Variants in RIPOR3 observed in about 807,000 individuals in gnomAD.
RIPOR3 encodes the protein family with sequence similarity 65 member C.
In RIPOR3, 95 loss-of-function variants were observed where a neutral mutation model predicts 114.3. That is an observed-to-expected ratio of 0.83 (90% CI 0.70 to 0.99). RIPOR3 has a LOEUF of 0.99. Ranked by LOEUF, RIPOR3 falls within the 50% of genes least tolerant of loss-of-function variation. RIPOR3 has a pLI of 0.00. For missense variants in RIPOR3, 1,252 were observed against 1,266.9 expected (o/e 0.99, Z 0.18); for synonymous variants, 575 against 543.8 (o/e 1.06, Z -0.80).
At chr20:50,603,650 C>T (rs1226708529) in intron 12 of RIPOR3, among the ~76,000 whole-genome samples, 1 of 152,202 alleles carries the variant, frequency 6.6e-6, no homozygotes, top group Non-Finnish European at 1.5e-5. Context: ...ATTCCAGGGC[C>T]TTCCCATTAC....
At chr20:50,644,041 G>A (rs2085301176) in intron 1 of RIPOR3, among the ~76,000 whole-genome samples, 1 of 151,520 alleles carries the variant, frequency 6.6e-6, no homozygotes, top group African/African-American at 2.4e-5. Flanking sequence ...GATTTCTTGA[G>A]CCCAGGAGTT....
chr20:50,633,609 G>A (rs182984102), intron 1 of RIPOR3, among the ~76,000 whole-genome samples: 1 of 152,218 alleles, frequency 6.6e-6, no homozygotes, highest in Admixed American at 6.5e-5. Context: ...CACTGGAGCC[G>A]GAAGGGGCTT....
intron 2 of RIPOR3, among the ~76,000 whole-genome samples, chr20:50,622,211 T>G (rs1416626381): frequency 6.8e-6 from 1 of 147,306 alleles, no homozygotes; most frequent in African/African-American, 2.5e-5. Context: ...TGAGATGGAG[T>G]CTCACTGTCA....
chr20:50,682,308 T>C (rs1463442782), intron 1 of RIPOR3, among the ~76,000 whole-genome samples: 5 of 152,236 alleles, frequency 3.3e-5, no homozygotes, highest in Non-Finnish European at 7.3e-5. Context: ...AAATGATTTA[T>C]AAAAATGTAA....
At chr20:50,665,568 G>A (rs778738816) in intron 1 of RIPOR3, among the ~76,000 whole-genome samples, 1 of 151,594 alleles carries the variant, frequency 6.6e-6, no homozygotes, top group Non-Finnish European at 1.5e-5. Context: ...TTACAGGCAC[G>A]CACCACGACA....
At chr20:50,610,629 C>A (rs2083942921) in intron 6 of RIPOR3, among the ~76,000 whole-genome samples, 1 of 152,044 alleles carries the variant, frequency 6.6e-6, no homozygotes, top group Admixed American at 6.6e-5. Flanking sequence ...TCAGGGAGTC[C>A]CACCTCAGGG....
intron 1 of RIPOR3, among the ~76,000 whole-genome samples, chr20:50,652,606 A>G (rs1339531775): frequency 2.8e-4 from 39 of 139,496 alleles, no homozygotes; most frequent in East Asian, 4.2e-4. Context: ...AAAAAAAAAA[A>G]AAAAAAAGAA....
At chr20:50,619,859 G>A (rs546530860) in intron 3 of RIPOR3, 127 bp downstream of exon 3, 8 of 1,278,598 alleles carry the variant, frequency 6.3e-6, no homozygotes, top group South Asian at 3.0e-5. Context: ...CTTACTAAAC[G>A]AATGACCAGG....
intron 1 of RIPOR3, among the ~76,000 whole-genome samples, chr20:50,668,274 A>G (rs2086328274): frequency 6.6e-6 from 1 of 152,122 alleles, no homozygotes; most frequent in Non-Finnish European, 1.5e-5. Flanking sequence ...CCTGGTCCTC[A>G]GCTCTGAGAC....
At chr20:50,634,106 C>T (rs2123276448) in intron 1 of RIPOR3, among the ~76,000 whole-genome samples, 1 of 151,696 alleles carries the variant, frequency 6.6e-6, no homozygotes, top group South Asian at 2.1e-4. Context: ...ATCAGCCTTT[C>T]ACGTGGCTGG....
chr20:50,664,018 C>T (rs922470354), intron 1 of RIPOR3, among the ~76,000 whole-genome samples: 2 of 151,688 alleles, frequency 1.3e-5, no homozygotes, highest in African/African-American at 4.8e-5. Context: ...ACTCCGCCTC[C>T]CGGCTTCAAG....
intron 18 of RIPOR3, 119 bp downstream of exon 18, chr20:50,592,916 C>T: frequency 7.7e-7 from 1 of 1,303,288 alleles, no homozygotes; most frequent in Non-Finnish European, 1.1e-6. Context: ...AATCGGGGTT[C>T]CCAAAAGAAC....
At chr20:50,615,645 TA>T (rs2084147184) in intron 4 of RIPOR3, among the ~76,000 whole-genome samples, 1 of 150,988 alleles carries the variant, frequency 6.6e-6, no homozygotes, top group African/African-American at 2.4e-5. Flanking sequence ...CACTGTGACA[TA>T]CCCAAGATGT....
chr20:50,603,166 C>T (rs932616798), intron 12 of RIPOR3, among the ~76,000 whole-genome samples: 3 of 152,266 alleles, frequency 2.0e-5, no homozygotes, highest in East Asian at 1.9e-4. Context: ...CATCTGTTTC[C>T]CCTGTAGAAT....
intron 3 of RIPOR3, among the ~76,000 whole-genome samples, chr20:50,616,707 TCA>T (rs2084184590): frequency 6.6e-6 from 1 of 152,104 alleles, no homozygotes; most frequent in Non-Finnish European, 1.5e-5. Context: ...CCAGCCCCGG[TCA>T]CACAGCAGAG....
At chr20:50,668,739 C>T (rs2086347040) in intron 1 of RIPOR3, among the ~76,000 whole-genome samples, 4 of 152,150 alleles carry the variant, frequency 2.6e-5, no homozygotes, top group Admixed American at 2.6e-4. Flanking sequence ...TGCCTGTAAT[C>T]CCAGCTACTT....
At chr20:50,587,450 G>A (rs2082956479) in intron 21 of RIPOR3, 118 bp from the exon 22 acceptor site, 15 of 812,628 alleles carry the variant, frequency 1.8e-5, no homozygotes, top group African/African-American at 3.4e-5. Flanking sequence ...TCTGCAAAGC[G>A]GCAGGGGAGG....
chr20:50,630,926 C>G, intron 1 of RIPOR3, 70 bp from the exon 2 acceptor site: 1 of 1,202,512 alleles, frequency 8.3e-7, no homozygotes, highest in South Asian at 1.3e-5. Flanking sequence ...GGCCAGCCAC[C>G]TTCCACCAAC....
chr20:50,629,811 A>T (rs577393837), intron 2 of RIPOR3, among the ~76,000 whole-genome samples: 1 of 152,320 alleles, frequency 6.6e-6, no homozygotes, highest in East Asian at 1.9e-4. Context: ...ACAGAGCCAG[A>T]AGAGGTGGCC....
Sources: gnomAD v4.1 joint callset for allele counts (sites outside exome capture counted in the v4.1 genomes callset) on GRCh38, gnomAD v4.1.1 for gene constraint, MANE v1.5 for transcripts, NCBI Gene and HGNC (gene_info 2026-07-23, HGNC 2026-07-21) for gene names.